Variants in PCDH11X observed in about 807,000 individuals in gnomAD.
PCDH11X encodes protocadherin 11 X-linked.
Under a neutral mutation model 53.3 loss-of-function variants are expected in PCDH11X, and 18 were observed. That is an observed-to-expected ratio of 0.34 (90% confidence interval 0.23 to 0.50). The LOEUF (loss-of-function observed/expected upper bound fraction) is 0.50, where lower values mean the gene tolerates loss of function less well. Ranked by LOEUF, PCDH11X falls within the 20% of genes least tolerant of loss-of-function variation. The probability of loss-of-function intolerance (pLI) is 0.98; values close to 1 mark genes in which losing one functional copy is unlikely to be tolerated. For missense variants in PCDH11X, 570 were observed against 1,032.4 expected (o/e 0.55, Z 6.14); for synonymous variants, 279 against 393.3 (o/e 0.71, Z 3.44).
At chrX:92,617,139 C>T (rs1413591849) in intron 10 of PCDH11X, among the ~76,000 whole-genome samples, 3 of 111,492 alleles carry the variant, frequency 2.7e-5, no homozygotes, top group African/African-American at 9.8e-5. Flanking sequence ...CAATACTTAA[C>T]CTTTGAATAT....
At chrX:92,166,384 A>G (rs914577595) in intron 6 of PCDH11X, among the ~76,000 whole-genome samples, 2 of 109,789 alleles carry the variant, frequency 1.8e-5, no homozygotes, top group Non-Finnish European at 3.8e-5. Flanking sequence ...ATGTCAGAAA[A>G]TAGTTCCTAA....
chrX:91,989,741 A>G (rs1473070594), intron 6 of PCDH11X, among the ~76,000 whole-genome samples: 1 of 110,619 alleles, frequency 9.0e-6, no homozygotes, highest in Non-Finnish European at 1.9e-5. Context: ...AGCATAGTCA[A>G]TGTTCTGAGA....
At chrX:92,102,818 A>T (rs2064289404) in intron 6 of PCDH11X, among the ~76,000 whole-genome samples, 2 of 111,617 alleles carry the variant, frequency 1.8e-5, no homozygotes, top group African/African-American at 6.5e-5. Context: ...TAGGCAAAAC[A>T]ATTTGGTTGA....
At chrX:92,022,470 G>A (rs2062901760) in intron 6 of PCDH11X, among the ~76,000 whole-genome samples, 1 of 108,661 alleles carries the variant, frequency 9.2e-6, no homozygotes, top group Non-Finnish European at 1.9e-5. Flanking sequence ...AATGCAACAA[G>A]AAGAGCTAAC....
At chrX:92,212,476 G>A (rs1005679098) in intron 7 of PCDH11X, among the ~76,000 whole-genome samples, 5 of 111,225 alleles carry the variant, frequency 4.5e-5, no homozygotes, top group African/African-American at 6.6e-5. Context: ...TCAGCCTCCC[G>A]AATAGCTGGG....
At chrX:91,887,475 A>T (rs1266673037) in intron 6 of PCDH11X, among the ~76,000 whole-genome samples, 1 of 111,755 alleles carries the variant, frequency 8.9e-6, no homozygotes, top group East Asian at 2.8e-4. Context: ...CTTTGGTTTA[A>T]TGTATTTAGA....
At chrX:91,797,925 C>A (rs35269856) in intron 1 of PCDH11X, among the ~76,000 whole-genome samples, 1 of 111,698 alleles carries the variant, frequency 9.0e-6, no homozygotes, top group Non-Finnish European at 1.9e-5. Flanking sequence ...GATGCAAATG[C>A]AGTACAAACA....
At chrX:92,221,205 TAAAA>T (rs1219928362) in intron 7 of PCDH11X, among the ~76,000 whole-genome samples, 3 of 16,456 alleles carry the variant, frequency 1.8e-4, no homozygotes, top group Non-Finnish European at 5.6e-4. Flanking sequence ...ATAATAATAA[TAAAA>T]AAATAAATAA....
At chrX:92,018,105 T>A (rs2062826737) in intron 6 of PCDH11X, among the ~76,000 whole-genome samples, 1 of 106,902 alleles carries the variant, frequency 9.4e-6, no homozygotes, top group Non-Finnish European at 1.9e-5. Flanking sequence ...ATTTGTCTCA[T>A]TCTTACTATC....
At chrX:92,320,000 T>C (rs1843120140) in intron 8 of PCDH11X, among the ~76,000 whole-genome samples, 2 of 111,035 alleles carry the variant, frequency 1.8e-5, no homozygotes, top group Admixed American at 9.6e-5. Context: ...TCAATGTTCA[T>C]GTATGTTCAG....
At chrX:92,489,440 G>A (rs2073712808) in intron 10 of PCDH11X, among the ~76,000 whole-genome samples, 2 of 110,578 alleles carry the variant, frequency 1.8e-5, no homozygotes, top group South Asian at 3.8e-4. Context: ...ATTTACGCTT[G>A]CATATTCATT....
intron 10 of PCDH11X, among the ~76,000 whole-genome samples, chrX:92,607,694 C>T (rs1926967378): frequency 9.0e-6 from 1 of 111,471 alleles, no homozygotes; most frequent in Admixed American, 9.5e-5. Flanking sequence ...GCATCAATTT[C>T]CTCATCACAA....
At chrX:91,963,245 A>T (rs1463778639) in intron 6 of PCDH11X, among the ~76,000 whole-genome samples, 2 of 110,854 alleles carry the variant, frequency 1.8e-5, no homozygotes, top group South Asian at 3.8e-4. Context: ...ATTCCAAACC[A>T]TATCTTTGTG....
chrX:92,516,652 A>G (rs1447604543), intron 10 of PCDH11X, among the ~76,000 whole-genome samples: 1 of 112,362 alleles, frequency 8.9e-6, no homozygotes, highest in African/African-American at 3.2e-5. Context: ...AATTTCAAAT[A>G]TGATCAGTGT....
intron 7 of PCDH11X, among the ~76,000 whole-genome samples, chrX:92,256,096 G>A (rs1037587153): frequency 8.9e-6 from 1 of 112,304 alleles, no homozygotes; most frequent in African/African-American, 3.3e-5. Flanking sequence ...ACTCCGTGGG[G>A]TAGGACCCTC....
At chrX:92,007,660 C>T (rs1333815367) in intron 6 of PCDH11X, among the ~76,000 whole-genome samples, 1 of 111,564 alleles carries the variant, frequency 9.0e-6, no homozygotes, top group African/African-American at 3.3e-5. Flanking sequence ...TGTGCTGGTA[C>T]CTCAGATGCA....
chrX:92,177,880 TAC>T (rs887143890), intron 6 of PCDH11X, among the ~76,000 whole-genome samples: 15 of 110,777 alleles, frequency 1.4e-4, no homozygotes, highest in East Asian at 2.8e-4. Context: ...TATATACATA[TAC>T]ACACACACAA....
chrX:91,875,426 G>GCGCC lies in PCDH11X; in HGVS notation c.541-1350_541-1347dup, dbSNP rs1284789985. ...GCCTCCTGAGCAGCTGGGACCACAG[G>GCGCC]CGCCCGCCACCACGCCAGGCTAATT... On this transcript the variant is annotated intron_variant, in intron 5 of 10. Transcript: ENST00000682573. Among the ~76,000 whole-genome samples, 3 of 107,351 alleles carry GCGCC rather than the reference G, an allele frequency of 2.8e-5. No individual in the cohort carries two copies. In the Admixed American group the frequency reaches 3.0e-4, roughly 11 times the overall value. The allele number at this position is 107,351 out of a possible 115,157, so 93.2% of individuals were successfully genotyped here. A position where few individuals can be genotyped will look rare whatever the true frequency, so the allele number is the denominator to read the frequency against.
At chrX:92,136,144 G>A (rs1485455524) in intron 6 of PCDH11X, among the ~76,000 whole-genome samples, 2 of 110,896 alleles carry the variant, frequency 1.8e-5, no homozygotes, top group Non-Finnish European at 3.8e-5. Context: ...CATTAGCAAA[G>A]CAAAGAAATA....
Sources: gnomAD v4.1 joint callset for allele counts (sites outside exome capture counted in the v4.1 genomes callset) on GRCh38, gnomAD v4.1.1 for gene constraint, MANE v1.5 for transcripts, NCBI Gene and HGNC (gene_info 2026-07-23, HGNC 2026-07-21) for gene names.